WDR41: variants seen among roughly 807,000 people sequenced by gnomAD.
WDR41 encodes the protein WD repeat domain 41, also known as WD repeat-containing protein 41.
A neutral mutation model predicts 69.3 loss-of-function variants in WDR41; 63 were observed. The ratio of observed to expected loss-of-function variants is 0.91; its 90% CI spans 0.74 to 1.12. The LOEUF is 1.12. Among genes scored for constraint, WDR41 ranks in the 50% most tolerant of loss-of-function variants. The pLI, the probability that WDR41 is intolerant of heterozygous loss-of-function variation, is 0.00. For missense variants in WDR41, 543 were observed against 534.5 expected (o/e 1.02, Z -0.16); for synonymous variants, 185 against 192.1 (o/e 0.96, Z 0.31).
intron 1 of WDR41, among the ~76,000 whole-genome samples, chr5:77,572,934 G>C (rs1580016743): frequency 1.3e-5 from 2 of 152,248 alleles, no homozygotes; most frequent in East Asian, 3.9e-4. Context: ...TATGCACAAC[G>C]GAGTGAGCAG....
At chr5:77,555,685 A>G (rs545868506) in intron 1 of WDR41, among the ~76,000 whole-genome samples, 1 of 152,346 alleles carries the variant, frequency 6.6e-6, no homozygotes, top group Non-Finnish European at 1.5e-5. Context: ...AATCTAACAA[A>G]CAATGGGTAA....
rs571887150 is a variant in WDR41, at chr5:77,619,602, T to C, written c.42+877A>G. ...CAGTGGAGATTGGGGGCCAGGAGGA[T>C]GAGGACTACCTGTCTAGAGGGAACA... On this transcript the variant is annotated intron_variant, in intron 1 of 5. Transcript: ENST00000509971. 5.3e-5 allele frequency among the ~76,000 whole-genome samples: 8 copies of C among 152,120 alleles called. No homozygotes were observed. The East Asian group carries it at 1.4e-3, about 26-fold the overall frequency.
chr5:77,480,730 C>G (rs1041454028), intron 2 of WDR41, among the ~76,000 whole-genome samples: 1 of 150,470 alleles, frequency 6.6e-6, no homozygotes, highest in African/African-American at 2.5e-5. Context: ...TGCTAGATGA[C>G]GAGTTAGTGG....
At chr5:77,615,440 AG>A (rs1377218251) in intron 1 of WDR41, among the ~76,000 whole-genome samples, 1 of 152,168 alleles carries the variant, frequency 6.6e-6, no homozygotes, top group Non-Finnish European at 1.5e-5. Flanking sequence ...TTAAGTAAAT[AG>A]GATAAAATCT....
At chr5:77,584,142 G>T (rs1459445698) in intron 1 of WDR41, among the ~76,000 whole-genome samples, 1 of 152,088 alleles carries the variant, frequency 6.6e-6, no homozygotes, top group Non-Finnish European at 1.5e-5. Context: ...AACCTCACTG[G>T]TGAAAGACTG....
At chr5:77,617,292 C>G (rs1744696092) in intron 1 of WDR41, among the ~76,000 whole-genome samples, 1 of 152,084 alleles carries the variant, frequency 6.6e-6, no homozygotes, top group Non-Finnish European at 1.5e-5. Flanking sequence ...GACAATGTTG[C>G]AGTAAGTGAA....
At chr5:77,503,242 C>T (rs1427297183) in intron 1 of WDR41, among the ~76,000 whole-genome samples, 1 of 125,300 alleles carries the variant, frequency 8.0e-6, no homozygotes, top group Non-Finnish European at 1.7e-5. Flanking sequence ...TCTGATAAAA[C>T]AGACTTTAAA....
intron 1 of WDR41, among the ~76,000 whole-genome samples, chr5:77,598,651 TTTTTG>T (rs1320560498): frequency 2.2e-5 from 3 of 135,708 alleles, no homozygotes; most frequent in Admixed American, 8.1e-5. Flanking sequence ...TTCCTTTTTT[TTTTTG>T]TTTTTTTTGT....
chr5:77,470,985 A>G (rs1800576367), intron 2 of WDR41, among the ~76,000 whole-genome samples: 1 of 152,236 alleles, frequency 6.6e-6, no homozygotes, highest in Non-Finnish European at 1.5e-5. Flanking sequence ...TCTTCTCAGC[A>G]TCACACCACA....
intron 4 of WDR41, among the ~76,000 whole-genome samples, chr5:77,462,784 G>A (rs1413658125): frequency 6.6e-6 from 1 of 152,090 alleles, no homozygotes; most frequent in African/African-American, 2.4e-5. Flanking sequence ...AAAGCAAACT[G>A]AGATAGTAAA....
At chr5:77,518,511 C>CT (rs1802326145) in intron 1 of WDR41, among the ~76,000 whole-genome samples, 2 of 152,144 alleles carry the variant, frequency 1.3e-5, no homozygotes, top group South Asian at 4.1e-4. Flanking sequence ...CTGTGATGTC[C>CT]TTAAAAGCCC....
At chr5:77,572,511 A>T (rs1365405910) in intron 1 of WDR41, among the ~76,000 whole-genome samples, 1 of 152,146 alleles carries the variant, frequency 6.6e-6, no homozygotes, top group Non-Finnish European at 1.5e-5. Context: ...CCAATTTGGA[A>T]CTCCTACTAT....
At chr5:77,533,075 C>A (rs1468110300) in intron 1 of WDR41, among the ~76,000 whole-genome samples, 1 of 152,080 alleles carries the variant, frequency 6.6e-6, no homozygotes, top group Non-Finnish European at 1.5e-5. Context: ...GAAATGGGAT[C>A]CCTCATACAT....
intron 1 of WDR41, among the ~76,000 whole-genome samples, chr5:77,607,828 A>G (rs1350633319): frequency 1.3e-5 from 2 of 152,212 alleles, no homozygotes; most frequent in African/African-American, 4.8e-5. Flanking sequence ...CTTTGTATAC[A>G]TTTTAAGTTT....
chr5:77,593,913 A>C (rs1214950991), intron 1 of WDR41, among the ~76,000 whole-genome samples: 3 of 152,184 alleles, frequency 2.0e-5, no homozygotes, highest in African/African-American at 7.2e-5. Flanking sequence ...AAGTTATATT[A>C]AATCTTCTTA....
chr5:77,469,244 G>A (rs1581731428), intron 2 of WDR41, among the ~76,000 whole-genome samples: 1 of 152,150 alleles, frequency 6.6e-6, no homozygotes, highest in South Asian at 2.1e-4. Flanking sequence ...GCCTGTCGTG[G>A]GGTGGGGGTA....
In WDR41 at chr5:77,515,819, T is replaced by C. The variant is rs576415832; in HGVS notation, c.43-26247A>G. Among the ~76,000 whole-genome samples, 3 of 152,310 alleles carry C rather than the reference T, an allele frequency of 2.0e-5. No individual in the cohort carries two copies. The East Asian group carries it at 5.8e-4, about 29-fold the overall frequency. On this transcript the variant is annotated intron_variant, in intron 1 of 5. Transcript: ENST00000509971. ...TGAGATGCCATTGTATGCCAACACA[T>C]AAATTTTTTGAATGAGTAAATAAAT... is the stretch of plus-strand genomic sequence containing the variant.
chr5:77,508,878 C>T (rs1802153807), intron 1 of WDR41, among the ~76,000 whole-genome samples: 1 of 152,176 alleles, frequency 6.6e-6, no homozygotes, highest in East Asian at 1.9e-4. Context: ...AATGACTGAT[C>T]TTAGCAGGGC....
chr5:77,530,867 T>C (rs1802518303), intron 1 of WDR41, among the ~76,000 whole-genome samples: 1 of 151,766 alleles, frequency 6.6e-6, no homozygotes, highest in African/African-American at 2.4e-5. Context: ...GTAAGATGGA[T>C]TGATGAATGG....
Sources: gnomAD v4.1 joint callset for allele counts (sites outside exome capture counted in the v4.1 genomes callset) on GRCh38, gnomAD v4.1.1 for gene constraint, MANE v1.5 for transcripts, NCBI Gene and HGNC (gene_info 2026-07-23, HGNC 2026-07-21) for gene names.